Variants in TRPM3 observed in about 807,000 individuals in gnomAD.
The protein encoded by TRPM3 is long transient receptor potential channel 3.
Under a neutral mutation model 181.2 loss-of-function variants are expected in TRPM3, and 77 were observed. That is an observed-to-expected ratio of 0.42 (90% CI 0.35 to 0.51). The LOEUF (loss-of-function observed/expected upper bound fraction) is 0.51, where lower values mean the gene tolerates loss of function less well. Among genes scored for constraint, TRPM3 ranks in the 20% least tolerant of loss-of-function variants. The pLI, the probability that TRPM3 is intolerant of heterozygous loss-of-function variation, is 0.01. For synonymous variants in TRPM3, 745 were observed against 796.4 expected (o/e 0.94, Z 1.09); for missense variants, 1,759 against 2,196.7 (o/e 0.80, Z 3.98).
rs192525096 is a variant in TRPM3, at chr9:70,963,649, G to A, written c.178-99138C>T. Among the ~76,000 whole-genome samples, 12 of 152,262 alleles carry A rather than the reference G, an allele frequency of 7.9e-5. No individual in the cohort carries two copies. In the East Asian group the frequency reaches 2.1e-3, roughly 27 times the overall value. On this transcript the variant is annotated intron_variant, in intron 1 of 25. Transcript: ENST00000677713. ...TTTTGACTAAAATGTTTACAAAAAT[G>A]AGGCTTGGAAGGAGTAAATAACCTG... is the stretch of plus-strand genomic sequence containing the variant.
At chr9:71,183,254 A>G (rs1587828653) in intron 1 of TRPM3, among the ~76,000 whole-genome samples, 1 of 152,150 alleles carries the variant, frequency 6.6e-6, no homozygotes, top group African/African-American at 2.4e-5. Context: ...CATGGCATTT[A>G]CTGTGCATTT....
chr9:70,976,815 CTGACGTCTAG>C (rs1057319167), intron 1 of TRPM3, among the ~76,000 whole-genome samples: 5 of 152,152 alleles, frequency 3.3e-5, no homozygotes, highest in African/African-American at 1.2e-4. Context: ...TACCAGCAAA[CTGACGTCTAG>C]TGACTGCCTC....
intron 7 of TRPM3, among the ~76,000 whole-genome samples, chr9:70,779,851 C>G (rs2082130462): frequency 6.6e-6 from 1 of 152,022 alleles, no homozygotes; most frequent in South Asian, 2.1e-4. Context: ...TAAACTATGA[C>G]AGATGAGAAA....
chr9:70,993,412 G>C (rs942716324), intron 1 of TRPM3, among the ~76,000 whole-genome samples: 2 of 152,082 alleles, frequency 1.3e-5, no homozygotes, highest in African/African-American at 4.8e-5. Context: ...TAACTGGGAG[G>C]GGGTAGCAAC....
intron 1 of TRPM3, among the ~76,000 whole-genome samples, chr9:71,010,912 G>GACAC (rs59803868): frequency 4.4e-4 from 62 of 139,428 alleles, no homozygotes; most frequent in African/African-American, 1.6e-3. Context: ...TAAAGAAAAT[G>GACAC]ACACACACAC....
intron 1 of TRPM3, among the ~76,000 whole-genome samples, chr9:71,068,881 T>C (rs898720123): frequency 2.1e-4 from 32 of 152,212 alleles, no homozygotes; most frequent in African/African-American, 7.7e-4. Flanking sequence ...GAACTTACAG[T>C]ATTGCTTCCA....
chr9:71,037,113 T>A (rs2058297856), intron 1 of TRPM3, among the ~76,000 whole-genome samples: 1 of 152,230 alleles, frequency 6.6e-6, no homozygotes, highest in Non-Finnish European at 1.5e-5. Context: ...GTGTGTACTA[T>A]GTTATATAAA....
intron 9 of TRPM3, among the ~76,000 whole-genome samples, chr9:70,677,960 A>ACTTG (rs2064446889): frequency 6.6e-6 from 1 of 151,438 alleles, no homozygotes; most frequent in Non-Finnish European, 1.5e-5. Context: ...TGTCTCAAGT[A>ACTTG]AGACACACTT....
chr9:70,767,859 A>G (rs2079452030), intron 7 of TRPM3, among the ~76,000 whole-genome samples: 1 of 152,198 alleles, frequency 6.6e-6, no homozygotes, highest in Non-Finnish European at 1.5e-5. Flanking sequence ...GAGAGCATTC[A>G]AAGCGACTCA....
chr9:71,026,365 T>C (rs2056495299), intron 1 of TRPM3, among the ~76,000 whole-genome samples: 1 of 152,096 alleles, frequency 6.6e-6, no homozygotes, highest in Non-Finnish European at 1.5e-5. Context: ...GCCCACATCA[T>C]AGCTGCTGTG....
chr9:71,250,233 C>T (rs1236142864), intron 1 of TRPM3, among the ~76,000 whole-genome samples: 1 of 152,096 alleles, frequency 6.6e-6, no homozygotes, highest in Non-Finnish European at 1.5e-5. Flanking sequence ...CTGTATTTAA[C>T]TTGAAGCTAT....
intron 8 of TRPM3, among the ~76,000 whole-genome samples, chr9:70,755,817 A>C (rs1323629292): frequency 6.6e-6 from 1 of 152,220 alleles, no homozygotes; most frequent in African/African-American, 2.4e-5. Context: ...AGAGCTCCTG[A>C]AGGAGGCGCT....
At chr9:71,426,185 A>G (rs1211422704) in intron 1 of TRPM3, among the ~76,000 whole-genome samples, 1 of 152,184 alleles carries the variant, frequency 6.6e-6, no homozygotes, top group Non-Finnish European at 1.5e-5. Context: ...CTAACACATT[A>G]TAGGCAATCA....
chr9:71,079,830 C>T (rs1366800494), intron 1 of TRPM3, among the ~76,000 whole-genome samples: 1 of 152,062 alleles, frequency 6.6e-6, no homozygotes, highest in African/African-American at 2.4e-5. Flanking sequence ...CCCACATTAC[C>T]CCCAGTGGTC....
intron 6 of TRPM3, among the ~76,000 whole-genome samples, chr9:70,802,343 A>G (rs540770835): frequency 6.6e-6 from 1 of 152,320 alleles, no homozygotes; most frequent in Admixed American, 6.5e-5. Context: ...TTCAGGCCAG[A>G]TGGACTCTTG....
chr9:71,407,971 G>C (rs2093469431), intron 1 of TRPM3, among the ~76,000 whole-genome samples: 1 of 152,168 alleles, frequency 6.6e-6, no homozygotes, highest in Non-Finnish European at 1.5e-5. Context: ...GCCCGGAGTG[G>C]ACCTCCAGCA....
intron 1 of TRPM3, among the ~76,000 whole-genome samples, chr9:71,332,355 G>A (rs559423693): frequency 2.0e-5 from 3 of 146,842 alleles, no homozygotes; most frequent in African/African-American, 7.7e-5. Flanking sequence ...ACTTAGTCTA[G>A]GTCAGTGGTT....
At chr9:70,864,698 C>A (rs1273062898) in intron 1 of TRPM3, among the ~76,000 whole-genome samples, 187 bp from the exon 2 acceptor site, 1 of 151,778 alleles carries the variant, frequency 6.6e-6, no homozygotes, top group Non-Finnish European at 1.5e-5. Context: ...ACTTCCCGTA[C>A]CTGCTGATTA....
chr9:71,030,571 C>CA (rs34824308), intron 1 of TRPM3, among the ~76,000 whole-genome samples: 5,578 of 123,992 alleles, frequency 0.045, 120 homozygotes, highest in African/African-American at 0.055. Flanking sequence ...GACCCCGTTC[C>CA]AAAAAAAAAA....
Sources: allele counts gnomAD v4.1 joint callset (sites outside exome capture counted in the v4.1 genomes callset), GRCh38; gene constraint gnomAD v4.1.1; transcripts MANE v1.5; gene names NCBI Gene and HGNC (gene_info 2026-07-23, HGNC 2026-07-21).